Variants in TMEM217 observed in about 807,000 individuals in gnomAD.
TMEM217 encodes the protein chromosome 6 open reading frame 128.
For missense variants in TMEM217, 204 were observed against 248.8 expected, an observed-to-expected ratio of 0.82 and a Z score of 1.21; for synonymous variants, 76 against 88.3, an observed-to-expected ratio of 0.86 and a Z score of 0.78.
At chr6:37,252,635 ATATTTTTTTTTT>A (rs1293013963) in intron 1 of TMEM217, among the ~76,000 whole-genome samples, 658 of 60,380 alleles carry the variant, frequency 0.011, 2 homozygotes, top group Non-Finnish European at 0.016. Flanking sequence ...ATATATATAT[ATATTTTTTTTTT>A]TTTTTTTTTT....
chr6:37,224,773 A>G (rs919806236), intron 1 of TMEM217, among the ~76,000 whole-genome samples: 1 of 152,102 alleles, frequency 6.6e-6, no homozygotes, highest in Admixed American at 6.6e-5. Flanking sequence ...ATATTTTTCA[A>G]GATTGAGAGC....
chr6:37,236,939 G>A (rs866882981), intron 1 of TMEM217, among the ~76,000 whole-genome samples: 23 of 152,214 alleles, frequency 1.5e-4, no homozygotes, highest in African/African-American at 5.3e-4. Flanking sequence ...CCATCCATGT[G>A]GGCTTCTCCA....
chr6:37,245,320 TC>T (rs1171818064), intron 1 of TMEM217, among the ~76,000 whole-genome samples: 3 of 152,238 alleles, frequency 2.0e-5, no homozygotes, highest in Non-Finnish European at 2.9e-5. Flanking sequence ...ACTGAGAGGC[TC>T]AGCACCAGAT....
chr6:37,241,099 CTT>C (rs74398542), intron 1 of TMEM217, among the ~76,000 whole-genome samples: 34 of 132,818 alleles, frequency 2.6e-4, no homozygotes, highest in Admixed American at 3.1e-4. Context: ...AAGTATTACT[CTT>C]TTTTTTTTTT....
intron 1 of TMEM217, among the ~76,000 whole-genome samples, chr6:37,228,991 C>T (rs966243674): frequency 6.6e-6 from 1 of 150,596 alleles, no homozygotes; most frequent in African/African-American, 2.4e-5. Flanking sequence ...AGAGAGACTC[C>T]GTCTCAAAAA....
At chr6:37,240,023 G>A (rs1182683562) in intron 1 of TMEM217, among the ~76,000 whole-genome samples, 3 of 152,124 alleles carry the variant, frequency 2.0e-5, no homozygotes. Flanking sequence ...CACTTGGTCA[G>A]TAGCCTCTGG....
chr6:37,245,505 C>T (rs1308648606), intron 1 of TMEM217, among the ~76,000 whole-genome samples: 1 of 152,246 alleles, frequency 6.6e-6, no homozygotes, highest in African/African-American at 2.4e-5. Flanking sequence ...CAACATGTGC[C>T]ATGACTTAGT....
exon 2 of TMEM217, chr6:37,218,167 A>C: frequency 8.7e-7 from 1 of 1,146,172 alleles, no homozygotes; most frequent in Non-Finnish European, 1.1e-6. Context: ...TAAAGCTGCT[A>C]ACTTTTTTTT....
At chr6:37,225,610 C>A (rs562097756) in intron 1 of TMEM217, among the ~76,000 whole-genome samples, 7 of 152,212 alleles carry the variant, frequency 4.6e-5, no homozygotes, top group South Asian at 4.1e-4. Context: ...AGATAGCAAA[C>A]GTCCTCTTTG....
intron 1 of TMEM217, among the ~76,000 whole-genome samples, chr6:37,247,356 A>G (rs945303504): frequency 6.6e-6 from 1 of 151,612 alleles, no homozygotes; most frequent in Non-Finnish European, 1.5e-5. Context: ...ATATAGGGGA[A>G]GGAAGGCAGT....
chr6:37,212,589 G>T, exon 4 of TMEM217: 1 of 475,024 alleles, frequency 2.1e-6, no homozygotes, highest in Non-Finnish European at 4.2e-6. Flanking sequence ...GCATGTGTGA[G>T]ATTTGGAAGA....
exon 2 of TMEM217, chr6:37,218,195 A>G: frequency 8.5e-7 from 1 of 1,182,752 alleles, no homozygotes; most frequent in Non-Finnish European, 1.0e-6. Context: ...TGGGGGACAG[A>G]GTCTTACTCT....
intron 1 of TMEM217, among the ~76,000 whole-genome samples, chr6:37,230,095 T>G (rs752565260): frequency 2.2e-4 from 33 of 152,182 alleles, no homozygotes; most frequent in Non-Finnish European, 4.6e-4. Flanking sequence ...AGAGGCCTCC[T>G]TCCAGGCCTT....
At chr6:37,252,589 ATG>A (rs1259800898) in intron 1 of TMEM217, among the ~76,000 whole-genome samples, 43 of 29,602 alleles carry the variant, frequency 1.5e-3, no homozygotes, top group South Asian at 0.012. Flanking sequence ...GTGTACGTGT[ATG>A]TGTGTGTGTG....
rs150761794 is a variant in TMEM217 at position 37,227,731 on chromosome 6, G to A, written c.-11-8690C>T. 3.3e-5 allele frequency among the ~76,000 whole-genome samples: 5 copies of A among 152,084 alleles called. No homozygotes were observed. In the East Asian group the frequency reaches 9.6e-4, roughly 29 times the overall value. Reference sequence around the variant, plus strand: ...AGTGCTGTGCTGGGATTACAGGTATGAGCCATTGCGCTCAGCCTAAATGTT... The same window carrying A: ...AGTGCTGTGCTGGGATTACAGGTATAAGCCATTGCGCTCAGCCTAAATGTT... On this transcript the variant is annotated intron_variant, in intron 1 of 1. Transcript: ENST00000357219.
chr6:37,239,238 C>T (rs1174511502), intron 1 of TMEM217, among the ~76,000 whole-genome samples: 2 of 152,130 alleles, frequency 1.3e-5, no homozygotes, highest in African/African-American at 2.4e-5. Context: ...CCTATAATTC[C>T]AGCAGTTTGG....
intron 1 of TMEM217, among the ~76,000 whole-genome samples, chr6:37,234,833 G>A (rs1474656754): frequency 6.6e-6 from 1 of 152,252 alleles, no homozygotes; most frequent in East Asian, 1.9e-4. Context: ...GTGGTTACCT[G>A]TGAAAAGTAT....
chr6:37,216,039 CAGAT>C (rs1413012953), downstream of TMEM217, among the ~76,000 whole-genome samples: 13 of 145,474 alleles, frequency 8.9e-5, no homozygotes, highest in Admixed American at 2.0e-4. Context: ...GTGTGAGAAA[CAGAT>C]AGACAGACAG....
downstream of TMEM217, among the ~76,000 whole-genome samples, chr6:37,214,946 A>G (rs1763103209): frequency 6.6e-6 from 1 of 152,002 alleles, no homozygotes; most frequent in Non-Finnish European, 1.5e-5. Flanking sequence ...AGCAGCCACT[A>G]CCCATGGGGT....
Sources: allele counts gnomAD v4.1 joint callset (sites outside exome capture counted in the v4.1 genomes callset), GRCh38; gene constraint gnomAD v4.1.1; transcripts MANE v1.5; gene names NCBI Gene and HGNC (gene_info 2026-07-23, HGNC 2026-07-21).